The following LAMA3 variants were observed in gnomAD, a reference collection of about 807,000 sequenced individuals.
LAMA3 encodes laminin subunit alpha 3.
A neutral mutation model predicts 402.0 loss-of-function variants in LAMA3; 281 were observed. That is an observed-to-expected ratio of 0.70 (90% CI 0.63 to 0.77). LAMA3 has a LOEUF of 0.77. LAMA3 is among the 30% of genes least tolerant of loss of function. The pLI, the probability that LAMA3 is intolerant of heterozygous loss-of-function variation, is 0.00. For synonymous variants in LAMA3, 1,431 were observed against 1,558.4 expected (o/e 0.92, Z 1.93); for missense variants, 3,840 against 4,215.5 (o/e 0.91, Z 2.47).
intron 70 of LAMA3, 194 bp downstream of exon 70, chr18:23,946,478 T>TG (rs1568377724): frequency 1.5e-6 from 1 of 675,400 alleles, no homozygotes; most frequent in Non-Finnish European, 2.5e-6. Flanking sequence ...ATTTCTAAGG[T>TG]GCAGGTTGAG....
intron 2 of LAMA3, among the ~76,000 whole-genome samples, chr18:23,732,754 A>G (rs543924551): frequency 5.9e-5 from 9 of 152,220 alleles, no homozygotes; most frequent in African/African-American, 2.2e-4. Context: ...AACTGTAAAC[A>G]TGCCATGTGT....
At chr18:23,946,969 A>G (rs1226186615) in intron 70 of LAMA3, 3 of 152,330 alleles carry the variant, frequency 2.0e-5, no homozygotes, top group Non-Finnish European at 2.9e-5. Flanking sequence ...TAGAAAGAGA[A>G]TTGAAAAAGG....
At chr18:23,770,405 C>A (rs925472424) in intron 8 of LAMA3, among the ~76,000 whole-genome samples, 2 of 151,404 alleles carry the variant, frequency 1.3e-5, no homozygotes, top group African/African-American at 4.9e-5. Flanking sequence ...CAAAAAAATT[C>A]AAAAGATTTG....
chr18:23,756,462 G>A (rs888577104), intron 6 of LAMA3, among the ~76,000 whole-genome samples: 2 of 6,920 alleles, frequency 2.9e-4, no homozygotes, highest in African/African-American at 4.8e-4. Flanking sequence ...CCACCCCCCC[G>A]CCAAAAAAAA....
chr18:23,865,103 A>G (rs547206644), intron 36 of LAMA3, among the ~76,000 whole-genome samples: 5 of 152,340 alleles, frequency 3.3e-5, no homozygotes, highest in African/African-American at 1.2e-4. Context: ...CAAAGTACTT[A>G]ACCGTATTTT....
chr18:23,898,469 C>A, intron 44 of LAMA3: 1 of 478,020 alleles, frequency 2.1e-6, no homozygotes, highest in South Asian at 2.5e-5. Context: ...GTATCACCCT[C>A]ATTTCTATAA....
intron 62 of LAMA3, among the ~76,000 whole-genome samples, chr18:23,922,046 A>G (rs1371452665): frequency 6.6e-6 from 1 of 152,222 alleles, no homozygotes; most frequent in Non-Finnish European, 1.5e-5. Context: ...TGCTCCTTAC[A>G]TGCTATCGAG....
rs541637449 is a variant in LAMA3 at position 23,928,948 on chromosome 18, A to C, written c.8436+183A>C. 5.9e-5 allele frequency among the ~76,000 whole-genome samples: 9 copies of C among 152,368 alleles called. No homozygotes were observed. The East Asian group carries it at 1.7e-3, about 29-fold the overall frequency. On this transcript the variant is annotated intron_variant, in intron 64 of 74. Coordinates refer to ENST00000313654, the MANE Select transcript of LAMA3 (RefSeq NM_198129.4). Reference sequence around the variant, plus strand: ...CACTCTGGGGTAGGTCCTCAAAGAAATCAAGTTTAGAAAGTAACATTATAA... The same window carrying C: ...CACTCTGGGGTAGGTCCTCAAAGAACTCAAGTTTAGAAAGTAACATTATAA...
At position 23,891,515 on chromosome 18, in the gene LAMA3, T is replaced by G. The variant is rs545792635; in HGVS notation, c.5410+1398T>G. Among the ~76,000 whole-genome samples the G allele has an allele frequency of 8.4e-4, 128 of 152,274 alleles. 1 individual carries two copies. The highest frequency in any genetic ancestry group is 2.9e-3 in the African/African-American group (121 of 41,558). ...AATCAGCCCACCAGGGTGCCATATT[T>G]TGGGGTGAAATTCCCTGGTCTTCTC... is the stretch of plus-strand genomic sequence containing the variant. On this transcript the variant is annotated intron_variant, in intron 42 of 74. Transcript: ENST00000313654.
At chr18:23,749,970 GT>G (rs1374699122) in intron 4 of LAMA3, among the ~76,000 whole-genome samples, 8 of 152,198 alleles carry the variant, frequency 5.3e-5, no homozygotes, top group Non-Finnish European at 1.0e-4. Flanking sequence ...ATGACCAGAT[GT>G]AGGGGATCCA....
chr18:23,883,354 T>A (rs1413851835), intron 40 of LAMA3, among the ~76,000 whole-genome samples: 1 of 152,178 alleles, frequency 6.6e-6, no homozygotes, highest in African/African-American at 2.4e-5. Context: ...TGTGGCACTT[T>A]GTCATATCCT....
rs549529223 is a variant in LAMA3 at position 23,895,805 on chromosome 18, T to C, written c.5613+747T>C. Reference sequence around the variant, plus strand: ...GATTTCTGTTCTTATCCTTTTTTTTTCCTTCCTTGTGCTTGCTTTGGGTGA... The same window carrying C: ...GATTTCTGTTCTTATCCTTTTTTTTCCCTTCCTTGTGCTTGCTTTGGGTGA... On this transcript the variant is annotated intron_variant, in intron 44 of 74. Transcript: ENST00000313654. Among the ~76,000 whole-genome samples, 5 of 152,332 alleles carry C rather than the reference T, an allele frequency of 3.3e-5. No homozygotes were observed. The South Asian group carries it at 6.2e-4, about 19-fold the overall frequency.
rs1243811658 is a variant in LAMA3 at position 23,954,606 on chromosome 18, AG to A, written c.9961del (p.Val3321SerfsTer7). The A allele has an allele frequency of 6.2e-7, 1 of 1,614,044 alleles. No individual in the cohort carries two copies. The highest frequency in any genetic ancestry group is 8.5e-7 in the Non-Finnish European group (1 of 1,179,986). ...IPVPVTEALEVQGPVSLNGCP... is the reference protein window; with the variant it reads ...IPVPVTEALEXQGPVSLNGCP... ...CTGTCCCTGTCACTGAAGCCTTGGAAGTCCAGGGGCCTGTCAGTCTGAATGG... is the reference window on the plus strand; with the variant it reads ...CTGTCCCTGTCACTGAAGCCTTGGAATCCAGGGGCCTGTCAGTCTGAATGG... On this transcript the variant is annotated frameshift_variant, in exon 75 of 75. Transcript: ENST00000313654. LOFTEE classifies it high-confidence loss of function.
At chr18:23,838,969 G>A in intron 26 of LAMA3, 91 bp downstream of exon 26, 2 of 825,266 alleles carry the variant, frequency 2.4e-6, no homozygotes, top group Non-Finnish European at 4.2e-6. Flanking sequence ...CGTCAGAAAT[G>A]ATCATAAGCC....
chr18:23,692,865 C>T (rs1163306589), intron 1 of LAMA3, among the ~76,000 whole-genome samples: 1 of 151,970 alleles, frequency 6.6e-6, no homozygotes. Flanking sequence ...ATATAACAAT[C>T]CAGTTTGAAT....
rs372318120 is a variant in LAMA3 at position 23,889,199 on chromosome 18, G to A, written c.5304-812G>A. 3.9e-5 allele frequency among the ~76,000 whole-genome samples: 6 copies of A among 152,286 alleles called. No individual in the cohort carries two copies. In the South Asian group the frequency reaches 1.2e-3, roughly 32 times the overall value. ...TCCCAGCACTTTAGATACTGAGGCAGGAGGATCACTTGAGCCCAGGAGTTC... is the reference window on the plus strand; with the variant it reads ...TCCCAGCACTTTAGATACTGAGGCAAGAGGATCACTTGAGCCCAGGAGTTC... On this transcript the variant is annotated intron_variant, in intron 41 of 74. Transcript: ENST00000313654.
At chr18:23,798,982 T>C (rs999870487) in intron 12 of LAMA3, among the ~76,000 whole-genome samples, 8 of 152,230 alleles carry the variant, frequency 5.3e-5, no homozygotes, top group African/African-American at 1.9e-4. Context: ...TGTTGCAAGA[T>C]ACAATGAAGT....
In LAMA3 at chr18:23,796,233, A is replaced by G. The variant is rs1348783403; in HGVS notation, c.1603+12076A>G. The stretch of plus-strand genomic sequence containing the variant: ...AGGTTCAAGACTAGGAAAAGAGTAT[A>G]CTTTCCACCAGGACACATCTGGTTC... On this transcript the variant is annotated intron_variant, in intron 12 of 74. Transcript: ENST00000313654. 1.6e-5 allele frequency: 4 copies of G among 242,572 alleles called. No individual in the cohort carries two copies. In the East Asian group the frequency reaches 5.1e-4, roughly 31 times the overall value. 15.0% of individuals were successfully genotyped at this position (242,572 alleles called of 1,614,324 possible).
intron 12 of LAMA3, among the ~76,000 whole-genome samples, chr18:23,794,054 A>G (rs531955244): frequency 2.6e-5 from 4 of 152,366 alleles, no homozygotes; most frequent in Non-Finnish European, 1.5e-5. Context: ...AGAGACTGGG[A>G]GCTTCCATGC....
Sources: gnomAD v4.1 joint callset for allele counts (sites outside exome capture counted in the v4.1 genomes callset) on GRCh38, gnomAD v4.1.1 for gene constraint, MANE v1.5 for transcripts, NCBI Gene and HGNC (gene_info 2026-07-23, HGNC 2026-07-21) for gene names.